Variants in RARA observed in about 807,000 individuals in gnomAD.
RARA encodes PML-DDX5-RARA fusion.
In RARA, 5 loss-of-function variants were observed where a neutral mutation model predicts 42.8. That is an observed-to-expected ratio of 0.12 (90% CI 0.06 to 0.25). The LOEUF (loss-of-function observed/expected upper bound fraction) is 0.25, where lower values mean the gene tolerates loss of function less well. Ranked by LOEUF, RARA falls within the 10% of genes least tolerant of loss-of-function variation. The pLI, the probability that RARA is intolerant of heterozygous loss-of-function variation, is 1.00. For synonymous variants in RARA, 256 were observed against 259.5 expected (o/e 0.99, Z 0.13); for missense variants, 402 against 628.7 (o/e 0.64, Z 3.86).
At position 40,331,133 on chromosome 17, in the gene RARA, C is replaced by T. The variant is rs2033679608; in HGVS notation, c.-86C>T. The T allele has an allele frequency of 7.0e-7, 1 of 1,433,674 alleles. No homozygotes were observed. Among genetic ancestry groups the T allele is most frequent in the Admixed American group, 2.1e-5 (1 of 48,040 alleles). 88.8% of individuals were successfully genotyped at this position (1,433,674 alleles called of 1,614,324 possible). ...CACCCAAACCCCATCTGGGCCCAGGCCCCATGCCCCGAGGAGGGGTGGTCT... is the reference window on the plus strand; with the variant it reads ...CACCCAAACCCCATCTGGGCCCAGGTCCCATGCCCCGAGGAGGGGTGGTCT... On this transcript the variant is annotated 5_prime_UTR_variant, in exon 2 of 9. Coordinates refer to ENST00000254066, the MANE Select transcript of RARA (RefSeq NM_000964.4).
chr17:40,325,440 G>A (rs1407502291), intron 1 of RARA, among the ~76,000 whole-genome samples: 6 of 152,132 alleles, frequency 3.9e-5, no homozygotes, highest in East Asian at 1.9e-4. Context: ...TTGAAAAAGC[G>A]GGGAGTAGTC....
At chr17:40,327,125 G>A (rs2033569546) in intron 1 of RARA, among the ~76,000 whole-genome samples, 1 of 152,130 alleles carries the variant, frequency 6.6e-6, no homozygotes. Flanking sequence ...CTGGGGGTGA[G>A]GTGGGGGTAG....
chr17:40,312,771 A>G (rs1007589890), intron 1 of RARA, among the ~76,000 whole-genome samples: 25 of 152,168 alleles, frequency 1.6e-4, no homozygotes, highest in African/African-American at 5.3e-4. Flanking sequence ...TTTAGAGGCT[A>G]CCTAGGCAAT....
Position 40,354,532 on chromosome 17 carries a change from GCT to G in RARA, c.1012+27_1012+28del. ...GTGGGCAGGGGGCCTGGGTCTGGGG[GCT>G]GGGCTGGGACGGGGGTGCAGCCCTG... On this transcript the variant is annotated intron_variant, in intron 7 of 8. Coordinates refer to ENST00000254066, the MANE Select transcript of RARA (RefSeq NM_000964.4). This position sits in a 1 kb window ranked among gnomAD's most constrained non-coding sequence, Gnocchi z 4.5. The G allele has an allele frequency of 1.2e-6, 2 of 1,606,074 alleles. No individual in the cohort carries two copies. Among genetic ancestry groups the G allele is most frequent in the East Asian group, 2.2e-5 (1 of 44,806 alleles).
intron 1 of RARA, among the ~76,000 whole-genome samples, chr17:40,311,452 C>CTCTG (rs769839129): frequency 1.4e-4 from 21 of 152,138 alleles, no homozygotes; most frequent in Admixed American, 3.9e-4. Context: ...GTGTCACTGA[C>CTCTG]TCTGACAAGG....
intron 2 of RARA, among the ~76,000 whole-genome samples, chr17:40,337,362 G>A (rs557512878): frequency 1.5e-4 from 23 of 152,304 alleles, no homozygotes; most frequent in South Asian, 2.1e-4. Flanking sequence ...ACCTTTCCCC[G>A]GTAGGGGGTG....
intron 2 of RARA, among the ~76,000 whole-genome samples, chr17:40,337,329 G>A (rs1246065304): frequency 6.6e-6 from 1 of 152,210 alleles, no homozygotes; most frequent in Non-Finnish European, 1.5e-5. Context: ...CACTGTAGAG[G>A]CCCTTTCTCT....
chr17:40,325,036 G>A (rs180735555), intron 1 of RARA, among the ~76,000 whole-genome samples: 1,650 of 152,002 alleles, frequency 0.011, 19 homozygotes, highest in Non-Finnish European at 0.017. Flanking sequence ...GCAGATCACC[G>A]TGTCAGGAGT....
chr17:40,333,211 G>T (rs1005798942), intron 2 of RARA, among the ~76,000 whole-genome samples: 1 of 152,088 alleles, frequency 6.6e-6, no homozygotes, highest in African/African-American at 2.4e-5. Flanking sequence ...CACCATGCCC[G>T]GCTACTTTTG....
intron 1 of RARA, among the ~76,000 whole-genome samples, chr17:40,322,405 C>T (rs1455301261): frequency 6.6e-6 from 1 of 151,982 alleles, no homozygotes; most frequent in Non-Finnish European, 1.5e-5. Flanking sequence ...TGGGGCACGC[C>T]GGGGCTGGGT....
chr17:40,333,773 A>G (rs2033767894), intron 2 of RARA, among the ~76,000 whole-genome samples: 1 of 152,014 alleles, frequency 6.6e-6, no homozygotes, highest in Admixed American at 6.5e-5. Context: ...AGTAGCTGGG[A>G]CTACAGGTGC....
chr17:40,357,485 T>C lies in RARA; in HGVS notation c.*1259T>C. ...CGCAGGACGGGCCTACAGGGGGGTC[T>C]CCCCTCACCCCTGCACCCCCAGCTG... On this transcript the variant is annotated 3_prime_UTR_variant, in exon 9 of 9. Transcript: ENST00000254066. 5.1e-6 allele frequency: 1 copy of C among 194,260 alleles called. No homozygotes were observed. The highest frequency in any genetic ancestry group is 7.9e-5 in the East Asian group (1 of 12,702). 12.0% of individuals were successfully genotyped at this position (194,260 alleles called of 1,614,324 possible).
chr17:40,334,841 C>G (rs2033799270), intron 2 of RARA, among the ~76,000 whole-genome samples: 1 of 152,204 alleles, frequency 6.6e-6, no homozygotes, highest in African/African-American at 2.4e-5. Context: ...GTGCGCCCTT[C>G]AGAGACCTAG....
chr17:40,322,743 G>T (rs750835255), intron 1 of RARA, among the ~76,000 whole-genome samples: 7 of 151,944 alleles, frequency 4.6e-5, no homozygotes, highest in Non-Finnish European at 1.0e-4. Context: ...TTAAGGGGGG[G>T]ACCCATGAGT....
chr17:40,334,460 C>T (rs760521487), intron 2 of RARA, among the ~76,000 whole-genome samples: 1 of 152,244 alleles, frequency 6.6e-6, no homozygotes, highest in Non-Finnish European at 1.5e-5. Context: ...TCTGAGGGAG[C>T]CTGGCATCTC....
In RARA at chr17:40,355,726, GTC is replaced by G. The variant is rs1288240498; in HGVS notation, c.1172-282_1172-281del. On this transcript the variant is annotated intron_variant, in intron 8 of 8. Transcript: ENST00000254066. The surrounding 1 kb of genome is among the most constrained non-coding windows in gnomAD (Gnocchi z 4.1). ...GGATAACATTCGTGTTTACAGAGGG[GTC>G]GGGATGATCCCTAGCACACAGCACA... 6.6e-6 allele frequency among the ~76,000 whole-genome samples: 1 copy of G among 152,224 alleles called. No individual in the cohort carries two copies. The highest frequency in any genetic ancestry group is 1.5e-5 in the Non-Finnish European group (1 of 68,030).
At chr17:40,342,806 C>A in intron 2 of RARA, 1 of 1,612,994 alleles carries the variant, frequency 6.2e-7, no homozygotes, top group South Asian at 1.1e-5. Context: ...AGAAGGGGCT[C>A]CCCGCCCCGG....
At chr17:40,315,621 C>G (rs1283266452) in intron 1 of RARA, among the ~76,000 whole-genome samples, 1 of 152,134 alleles carries the variant, frequency 6.6e-6, no homozygotes, top group Non-Finnish European at 1.5e-5. Context: ...TTCTCATCAT[C>G]TCTTCGGAGT....
At chr17:40,323,830 A>G (rs1380922637) in intron 1 of RARA, among the ~76,000 whole-genome samples, 1 of 38,866 alleles carries the variant, frequency 2.6e-5, no homozygotes, top group African/African-American at 1.1e-4. Flanking sequence ...CTGAGGCAGG[A>G]CTTGGTGGGG....
Sources: allele counts gnomAD v4.1 joint callset (sites outside exome capture counted in the v4.1 genomes callset), GRCh38; gene constraint gnomAD v4.1.1; non-coding constraint Gnocchi (gnomAD v3.1); transcripts MANE v1.5; gene names NCBI Gene and HGNC (gene_info 2026-07-23, HGNC 2026-07-21).